LAMA1: variants seen among roughly 807,000 people sequenced by gnomAD.
LAMA1 encodes laminin subunit alpha 1, also known as laminin subunit alpha-1.
In LAMA1, 219 loss-of-function variants were observed where a neutral mutation model predicts 348.7. The ratio of observed to expected loss-of-function variants is 0.63; its 90% CI spans 0.56 to 0.70. The LOEUF (loss-of-function observed/expected upper bound fraction) is 0.70, where lower values mean the gene tolerates loss of function less well. Among genes scored for constraint, LAMA1 ranks in the 30% least tolerant of loss-of-function variants. The pLI is 0.00. For missense variants in LAMA1, 3,744 were observed against 3,888.0 expected, an observed-to-expected ratio of 0.96 and a Z score of 0.99; for synonymous variants, 1,487 against 1,491.0, an observed-to-expected ratio of 1.00 and a Z score of 0.06.
chr18:7,013,741 G>T, intron 23 of LAMA1, 74 bp downstream of exon 23: 1 of 1,441,570 alleles, frequency 6.9e-7, no homozygotes. Flanking sequence ...GGCTGCTTAG[G>T]TAAGTAGTCA....
At position 7,023,951 on chromosome 18, in the gene LAMA1, G is replaced by T. The variant is rs9953692; in HGVS notation, c.2489+429C>A. On this transcript the variant is annotated intron_variant, in intron 18 of 62. Transcript: ENST00000389658. ...CCTCCCAGGTTCAAGTGATTCTCCT[G>T]CCTCAGCCTCCCAAGTAGCTAGGAT... is the stretch of plus-strand genomic sequence containing the variant. Among the ~76,000 whole-genome samples, 8 of 152,144 alleles carry T rather than the reference G, an allele frequency of 5.3e-5. No individual in the cohort carries two copies. In the South Asian group the frequency reaches 1.7e-3, roughly 32 times the overall value.
At chr18:6,958,013 C>T (rs1051492247) in intron 55 of LAMA1, among the ~76,000 whole-genome samples, 1 of 152,102 alleles carries the variant, frequency 6.6e-6, no homozygotes, top group Non-Finnish European at 1.5e-5. Context: ...AACTCCTGAC[C>T]TCATGATCTG....
intron 47 of LAMA1, 86 bp downstream of exon 47, chr18:6,972,971 G>T (rs2057664888): frequency 5.3e-6 from 8 of 1,504,404 alleles, no homozygotes; most frequent in Non-Finnish European, 7.4e-6. Flanking sequence ...GATTACAGGC[G>T]TGAGCCACCA....
chr18:7,006,225 C>T (rs961348345), intron 29 of LAMA1, among the ~76,000 whole-genome samples: 2 of 152,134 alleles, frequency 1.3e-5, no homozygotes, highest in Non-Finnish European at 2.9e-5. Context: ...GGCTGCGAGG[C>T]TTCTGTCTGG....
Position 6,975,087 on chromosome 18 carries a change from T to C in LAMA1, c.6490-51A>G, listed in dbSNP as rs1229763798. 8.1e-6 allele frequency: 13 copies of C among 1,597,146 alleles called. No individual in the cohort carries two copies. In the Admixed American group the frequency reaches 2.0e-4, roughly 25 times the overall value. The stretch of plus-strand genomic sequence containing the variant: ...TCAGTTTACACACTGGACTGTTTGC[T>C]GACCACCACAACACTTTACAGAGTC... On this transcript the variant is annotated intron_variant, in intron 45 of 62. Coordinates refer to ENST00000389658, the MANE Select transcript of LAMA1 (RefSeq NM_005559.4).
chr18:6,946,379 G>A (rs1031862524), intron 61 of LAMA1, among the ~76,000 whole-genome samples: 10 of 152,124 alleles, frequency 6.6e-5, no homozygotes, highest in African/African-American at 2.2e-4. Flanking sequence ...AGTTGGGTGT[G>A]GCCATGATGG....
At chr18:6,984,200 C>T (rs1415423900) in intron 39 of LAMA1, among the ~76,000 whole-genome samples, 2 of 152,218 alleles carry the variant, frequency 1.3e-5, no homozygotes, top group South Asian at 2.1e-4. Context: ...CTCAATTTAG[C>T]GCATAATTTA....
Position 6,961,685 on chromosome 18 carries a change from TTC to T in LAMA1, c.7525_7526del (p.Glu2509MetfsTer27). 2 of 1,614,168 alleles carry T rather than the reference TTC, an allele frequency of 1.2e-6. No individual in the cohort carries two copies. ...LPPKSLSPESEWLVTFATTNS... is the reference protein window; with the variant it reads ...LPPKSLSPESXWLVTFATTNS... ...TCGTGGTGGCAAATGTTACCAGCCATTCTGATTCTGGTGACAAAGATTTGGGT... is the reference window on the plus strand; with the variant it reads ...TCGTGGTGGCAAATGTTACCAGCCATTGATTCTGGTGACAAAGATTTGGGT... On this transcript the variant is annotated frameshift_variant, in exon 53 of 63. Coordinates refer to ENST00000389658, the MANE Select transcript of LAMA1 (RefSeq NM_005559.4). LOFTEE classifies it high-confidence loss of function.
At chr18:6,989,833 C>T (rs1247976182) in intron 36 of LAMA1, among the ~76,000 whole-genome samples, 2 of 152,142 alleles carry the variant, frequency 1.3e-5, no homozygotes, top group African/African-American at 2.4e-5. Context: ...CCTCAGCCCC[C>T]CACACATCTG....
intron 1 of LAMA1, among the ~76,000 whole-genome samples, chr18:7,115,676 A>G (rs1408235227): frequency 6.6e-6 from 1 of 151,868 alleles, no homozygotes; most frequent in African/African-American, 2.4e-5. Context: ...TCTTAAAAAA[A>G]AAAAAAAAAT....
chr18:7,085,413 C>CTTCT (rs1482235381), intron 1 of LAMA1, among the ~76,000 whole-genome samples: 39 of 85,260 alleles, frequency 4.6e-4, no homozygotes, highest in African/African-American at 2.2e-3. Flanking sequence ...TCTTCTTCTT[C>CTTCT]TTTTTTTTTT....
chr18:7,107,781 G>T (rs28450506), intron 1 of LAMA1, among the ~76,000 whole-genome samples: 1 of 150,186 alleles, frequency 6.7e-6, no homozygotes, highest in South Asian at 2.1e-4. Context: ...TTGGGAGGCT[G>T]AGGCGGGCAG....
chr18:7,032,207 C>T (rs1403599383), intron 15 of LAMA1, 31 bp from the exon 16 acceptor site: 1 of 1,452,580 alleles, frequency 6.9e-7, no homozygotes, highest in Non-Finnish European at 9.7e-7. Flanking sequence ...ATCCTCTTTC[C>T]ACTACGTTAC....
chr18:6,958,846 T>C lies in LAMA1; in HGVS notation c.7779-184A>G, dbSNP rs73390529. ...GAAAATTAAAACTCACAACTGAAGA[T>C]TTTTCAGAAACGAATGGAATGTTAT... On this transcript the variant is annotated intron_variant, in intron 54 of 62. Transcript: ENST00000389658. Among the ~76,000 whole-genome samples, 1,137 of 152,274 alleles carry C rather than the reference T, an allele frequency of 7.5e-3. 17 individuals carry two copies. Among genetic ancestry groups the C allele is most frequent in the African/African-American group, 0.025 (1,049 of 41,548 alleles).
chr18:7,098,851 T>G (rs1368770218), intron 1 of LAMA1, among the ~76,000 whole-genome samples: 2 of 102,222 alleles, frequency 2.0e-5, no homozygotes, highest in African/African-American at 7.9e-5. Context: ...GGTGGGGGGG[T>G]CAGCCCCCCG....
At chr18:6,982,425 A>C in intron 41 of LAMA1, 72 bp downstream of exon 41, 1 of 1,244,730 alleles carries the variant, frequency 8.0e-7, no homozygotes, top group South Asian at 1.2e-5. Flanking sequence ...CAAGGAGAAC[A>C]TTCTTAGAGG....
chr18:7,027,638 C>T lies in LAMA1; in HGVS notation c.2275-1532G>A, dbSNP rs2057950361. 2.6e-5 allele frequency among the ~76,000 whole-genome samples: 4 copies of T among 151,968 alleles called. No homozygotes were observed. In the South Asian group the frequency reaches 8.3e-4, roughly 31 times the overall value. ...CAAATCATAGAGATGATGGAATTGG[C>T]AGGCTTTTAAAACACTGTTATAGGC... On this transcript the variant is annotated intron_variant, in intron 16 of 62. Transcript: ENST00000389658.
intron 1 of LAMA1, among the ~76,000 whole-genome samples, chr18:7,089,810 G>C (rs891600328): frequency 6.6e-6 from 1 of 152,206 alleles, no homozygotes; most frequent in Non-Finnish European, 1.5e-5. Flanking sequence ...GGTGGAGATG[G>C]GGGAAGGATT....
chr18:7,087,651 ATTTGG>A (rs2058223066), intron 1 of LAMA1, among the ~76,000 whole-genome samples: 1 of 152,222 alleles, frequency 6.6e-6, no homozygotes, highest in African/African-American at 2.4e-5. Flanking sequence ...ATCAATATGT[ATTTGG>A]ATTTTGTTGG....
Sources: gnomAD v4.1 joint callset for allele counts (sites outside exome capture counted in the v4.1 genomes callset) on GRCh38, gnomAD v4.1.1 for gene constraint, MANE v1.5 for transcripts, NCBI Gene and HGNC (gene_info 2026-07-23, HGNC 2026-07-21) for gene names.